The following TDP1 variants were observed in gnomAD, a reference collection of about 807,000 sequenced individuals.
The protein encoded by TDP1 is tyr-DNA phosphodiesterase 1.
Under a neutral mutation model 81.5 loss-of-function variants are expected in TDP1, and 64 were observed. The ratio of observed to expected loss-of-function variants is 0.79; its 90% CI spans 0.64 to 0.97. The LOEUF (loss-of-function observed/expected upper bound fraction) is 0.97. Among genes scored for constraint, TDP1 ranks in the 50% least tolerant of loss-of-function variants. The probability of loss-of-function intolerance (pLI) is 0.00; values close to 1 mark genes in which losing one functional copy is unlikely to be tolerated. For synonymous variants in TDP1, 256 were observed against 264.3 expected (o/e 0.97, Z 0.30); for missense variants, 723 against 743.8 (o/e 0.97, Z 0.33).
chr14:90,034,757 AT>A (rs893191662), intron 16 of TDP1, among the ~76,000 whole-genome samples: 36 of 151,726 alleles, frequency 2.4e-4, no homozygotes, highest in Non-Finnish European at 4.1e-4. Flanking sequence ...CAGAGAAAAG[AT>A]TTTTTTTTCA....
At chr14:89,980,392 G>A in intron 7 of TDP1, 148 bp from the exon 8 acceptor site, 2 of 1,408,598 alleles carry the variant, frequency 1.4e-6, no homozygotes, top group Non-Finnish European at 1.9e-6. Context: ...TCATGGTAAT[G>A]TATAGAAGGG....
chr14:89,971,331 AT>A, intron 6 of TDP1, 60 bp downstream of exon 6: 1 of 1,250,594 alleles, frequency 8.0e-7, no homozygotes, highest in Non-Finnish European at 1.2e-6. Context: ...AAACTTAGAC[AT>A]TTAGTCCACC....
intron 16 of TDP1, among the ~76,000 whole-genome samples, chr14:90,041,298 T>G (rs1273741304): frequency 6.6e-6 from 1 of 152,160 alleles, no homozygotes; most frequent in Admixed American, 6.5e-5. Context: ...CTCAGCCTCT[T>G]AGGAAACAAG....
intron 3 of TDP1, among the ~76,000 whole-genome samples, chr14:89,964,660 G>C (rs1464248501): frequency 1.3e-5 from 2 of 152,072 alleles, no homozygotes; most frequent in African/African-American, 4.8e-5. Flanking sequence ...TGTTCTACAG[G>C]TTGTTTTCTT....
chr14:90,000,202 G>C (rs1465360008), intron 14 of TDP1, among the ~76,000 whole-genome samples: 1 of 152,220 alleles, frequency 6.6e-6, no homozygotes, highest in Non-Finnish European at 1.5e-5. Flanking sequence ...TTGGAGACCA[G>C]CAGGAGGATC....
chr14:90,020,482 C>T (rs148897786), intron 15 of TDP1, among the ~76,000 whole-genome samples: 5,150 of 65,714 alleles, frequency 0.078, 677 homozygotes, highest in African/African-American at 0.31. Context: ...TTCCTTCCCT[C>T]CCTCCCTCCC....
At chr14:89,985,003 A>T in intron 9 of TDP1, 129 bp from the exon 10 acceptor site, 1 of 1,344,794 alleles carries the variant, frequency 7.4e-7, no homozygotes, top group Admixed American at 2.6e-5. Flanking sequence ...TTGAGAGTCA[A>T]TTCAAGAAAA....
intron 8 of TDP1, 49 bp downstream of exon 8, chr14:89,980,681 T>C: frequency 7.0e-7 from 1 of 1,427,744 alleles, no homozygotes; most frequent in South Asian, 1.2e-5. Context: ...TTGATAAAGG[T>C]CAAAAGCCAG....
At chr14:90,032,537 A>G (rs1214159958) in intron 15 of TDP1, among the ~76,000 whole-genome samples, 4 of 152,214 alleles carry the variant, frequency 2.6e-5, no homozygotes, top group African/African-American at 4.8e-5. Flanking sequence ...GCCTAGATAT[A>G]GAACCTCCAC....
At chr14:89,998,860 T>C (rs1306473074) in intron 14 of TDP1, among the ~76,000 whole-genome samples, 1 of 152,042 alleles carries the variant, frequency 6.6e-6, no homozygotes, top group African/African-American at 2.4e-5. Flanking sequence ...AGACTTTGCC[T>C]TTTTACCTGC....
intron 14 of TDP1, among the ~76,000 whole-genome samples, chr14:90,015,495 A>G (rs957117198): frequency 6.6e-6 from 1 of 152,242 alleles, no homozygotes; most frequent in Non-Finnish European, 1.5e-5. Flanking sequence ...AATGAGCAAC[A>G]TATCATTAGT....
rs113744191 is a variant in TDP1 at position 90,017,090 on chromosome 14, A to G, written c.1542-2226A>G. ...CAGAAGCCAGGACAGGCAGTGGACAATGGATTCCATGTGGAGAACAGAAGC... is the reference window on the plus strand; with the variant it reads ...CAGAAGCCAGGACAGGCAGTGGACAGTGGATTCCATGTGGAGAACAGAAGC... On this transcript the variant is annotated intron_variant, in intron 14 of 16. Coordinates refer to ENST00000335725, the MANE Select transcript of TDP1 (RefSeq NM_018319.4). 2.2e-3 allele frequency among the ~76,000 whole-genome samples: 335 copies of G among 152,326 alleles called. 1 individual carries two copies. Among genetic ancestry groups the G allele is most frequent in the African/African-American group, 7.6e-3 (318 of 41,574 alleles).
chr14:90,006,665 T>C (rs1215700151), intron 14 of TDP1, among the ~76,000 whole-genome samples: 2 of 152,142 alleles, frequency 1.3e-5, no homozygotes, highest in Non-Finnish European at 2.9e-5. Context: ...GCCTCCCAAG[T>C]AGCTGGGATT....
At chr14:90,020,795 C>A (rs1341933176) in intron 15 of TDP1, among the ~76,000 whole-genome samples, 2 of 144,184 alleles carry the variant, frequency 1.4e-5, no homozygotes, top group Admixed American at 7.0e-5. Flanking sequence ...CTGGACTAAT[C>A]CAGTCTTTTT....
intron 14 of TDP1, among the ~76,000 whole-genome samples, chr14:90,006,754 G>A (rs537637369): frequency 6.6e-6 from 1 of 152,116 alleles, no homozygotes; most frequent in African/African-American, 2.4e-5. Context: ...GGCCAGGCTG[G>A]TCTCGAACTC....
chr14:89,955,270 C>G (rs1384057586), upstream of TDP1: 2 of 152,330 alleles, frequency 1.3e-5, no homozygotes, highest in African/African-American at 4.8e-5. Context: ...AATGAAAGAA[C>G]GAAACGAGCC....
At chr14:89,989,199 T>C (rs1895907881) in intron 11 of TDP1, 109 bp downstream of exon 11, 2 of 1,389,506 alleles carry the variant, frequency 1.4e-6, no homozygotes, top group Admixed American at 4.3e-5. Context: ...GTGATTCTTT[T>C]TTTTTTTTTG....
chr14:90,027,451 C>G (rs577619554), intron 15 of TDP1, among the ~76,000 whole-genome samples: 1 of 152,138 alleles, frequency 6.6e-6, no homozygotes, highest in African/African-American at 2.4e-5. Context: ...TGAGCTGGAA[C>G]AGCATGTCCC....
At chr14:89,994,315 T>C (rs1343790134) in intron 14 of TDP1, among the ~76,000 whole-genome samples, 1 of 152,176 alleles carries the variant, frequency 6.6e-6, no homozygotes, top group Admixed American at 6.5e-5. Flanking sequence ...CTCATGCAAT[T>C]GTAGGGGCTG....
Sources: allele counts gnomAD v4.1 joint callset (sites outside exome capture counted in the v4.1 genomes callset), GRCh38; gene constraint gnomAD v4.1.1; transcripts MANE v1.5; gene names NCBI Gene and HGNC (gene_info 2026-07-23, HGNC 2026-07-21).